Variants in SULF1 observed in about 807,000 individuals in gnomAD.
SULF1 encodes the protein sulfatase 1.
A neutral mutation model predicts 110.5 loss-of-function variants in SULF1; 46 were observed. That is an observed-to-expected ratio of 0.42 (90% CI 0.33 to 0.53). SULF1 has a LOEUF of 0.53. Among genes scored for constraint, SULF1 ranks in the 20% least tolerant of loss-of-function variants. SULF1 has a pLI of 0.12. For missense variants in SULF1, 941 were observed against 1,094.2 expected (o/e 0.86, Z 1.98); for synonymous variants, 371 against 387.1 (o/e 0.96, Z 0.49).
chr8:69,604,957 C>T, intron 13 of SULF1, 25 bp downstream of exon 13: 2 of 1,612,680 alleles, frequency 1.2e-6, no homozygotes, highest in Non-Finnish European at 1.7e-6. Context: ...CTTTCTTTAC[C>T]ACCACTCATG....
At chr8:69,595,471 T>C (rs1483369790) in intron 8 of SULF1, among the ~76,000 whole-genome samples, 4 of 152,256 alleles carry the variant, frequency 2.6e-5, no homozygotes. Flanking sequence ...GTTACCTATC[T>C]ACAGATATTT....
At chr8:69,628,750 A>G (rs1403061165) in intron 18 of SULF1, among the ~76,000 whole-genome samples, 1 of 152,254 alleles carries the variant, frequency 6.6e-6, no homozygotes, top group Non-Finnish European at 1.5e-5. Flanking sequence ...TCTAAAAAAT[A>G]AAGGCTATCT....
At chr8:69,560,357 A>G (rs1453524046) in intron 3 of SULF1, among the ~76,000 whole-genome samples, 7 of 143,824 alleles carry the variant, frequency 4.9e-5, no homozygotes, top group Non-Finnish European at 1.1e-4. Context: ...TTTTTCTTTT[A>G]CATGTGACTT....
intron 13 of SULF1, among the ~76,000 whole-genome samples, chr8:69,607,895 C>T (rs989928157): frequency 3.9e-5 from 6 of 152,152 alleles, no homozygotes; most frequent in South Asian, 2.1e-4. Context: ...GCCCTGCTTC[C>T]GTTCCTCTTA....
intron 3 of SULF1, among the ~76,000 whole-genome samples, chr8:69,556,186 A>G (rs1393646115): frequency 6.6e-6 from 1 of 152,144 alleles, no homozygotes; most frequent in African/African-American, 2.4e-5. Flanking sequence ...AGAAAGAGAA[A>G]GAAATGGGGT....
At position 69,604,807 on chromosome 8, in the gene SULF1, TTTC is replaced by T. The variant is rs764250746; in HGVS notation, c.1254_1256del (p.Phe418del). 4.3e-6 allele frequency: 7 copies of T among 1,613,624 alleles called. No individual in the cohort carries two copies. The highest frequency in any genetic ancestry group is 5.9e-6 in the Non-Finnish European group (7 of 1,179,934). On this transcript the variant is annotated inframe_deletion, in exon 13 of 23. Transcript: ENST00000402687. ...GCTTTTCCCTTTTTGTCGAAGCAAA[TTTC>T]TACGTAAGAAGGAAGAATCCAGCAA... is the stretch of plus-strand genomic sequence containing the variant.
intron 3 of SULF1, among the ~76,000 whole-genome samples, chr8:69,554,183 CA>C (rs1359646239): frequency 6.6e-6 from 1 of 152,094 alleles, no homozygotes; most frequent in Non-Finnish European, 1.5e-5. Context: ...AAGTTTAAAA[CA>C]AAGTAGAGTA....
At chr8:69,526,811 AAG>A (rs1563498309) in intron 3 of SULF1, among the ~76,000 whole-genome samples, 2 of 140,584 alleles carry the variant, frequency 1.4e-5, no homozygotes, top group Non-Finnish European at 3.1e-5. Context: ...GGAAGGAAGG[AAG>A]GAAGGAAGGA....
At chr8:69,557,860 C>G (rs1815217635) in intron 3 of SULF1, among the ~76,000 whole-genome samples, 1 of 152,098 alleles carries the variant, frequency 6.6e-6, no homozygotes, top group African/African-American at 2.4e-5. Context: ...CACAGGTGTT[C>G]CAGGTCATAG....
intron 3 of SULF1, among the ~76,000 whole-genome samples, chr8:69,535,658 T>C (rs1813385398): frequency 6.6e-6 from 1 of 152,060 alleles, no homozygotes; most frequent in Admixed American, 6.6e-5. Flanking sequence ...GGGTGCCAAC[T>C]AAGGAGAGCC....
intron 16 of SULF1, 130 bp downstream of exon 16, chr8:69,627,436 A>AG: frequency 1.5e-6 from 1 of 683,766 alleles, no homozygotes; most frequent in Non-Finnish European, 2.5e-6. Context: ...CAAAAAAAAA[A>AG]AGTTATTTGT....
At position 69,627,264 on chromosome 8, in the gene SULF1, G is replaced by A. The variant is rs992431241; in HGVS notation, c.1905G>A (p.Ser635=). The A allele has an allele frequency of 1.7e-5, 27 of 1,614,016 alleles. 2 individuals are homozygous for A. The highest frequency in any genetic ancestry group is 1.7e-4 in the Middle Eastern group (1 of 6,060). Residue 635 remains serine, a synonymous_variant, in exon 16 of 23, where the codon TCG becomes TCA. Transcript: ENST00000402687. ...SIHCERELYQ[S]ARAWKDHKAY... is the part of the protein sequence containing the mutation. ...ATTGTGAGAGAGAACTGTACCAATC[G>A]GCCAGAGCGTGGAAGGACCATAAGG...
chr8:69,511,499 C>T (rs779748943), intron 3 of SULF1, among the ~76,000 whole-genome samples: 88 of 152,322 alleles, frequency 5.8e-4, no homozygotes, highest in Admixed American at 1.2e-3. Context: ...GAGCTGCATG[C>T]TGAGCTTCAC....
intron 3 of SULF1, among the ~76,000 whole-genome samples, chr8:69,509,753 T>C (rs1051374274): frequency 6.6e-6 from 1 of 152,232 alleles, no homozygotes; most frequent in Non-Finnish European, 1.5e-5. Flanking sequence ...ATTTTCTTTT[T>C]GCCTTTTCTA....
intron 13 of SULF1, among the ~76,000 whole-genome samples, chr8:69,615,031 A>T (rs1211192908): frequency 3.3e-5 from 5 of 152,248 alleles, no homozygotes; most frequent in Non-Finnish European, 7.3e-5. Flanking sequence ...ATTTACTGAT[A>T]AACTTCAAGA....
At chr8:69,639,211 A>G (rs1045911889) in intron 21 of SULF1, among the ~76,000 whole-genome samples, 33 of 152,320 alleles carry the variant, frequency 2.2e-4, no homozygotes, top group African/African-American at 7.5e-4. Flanking sequence ...CTCTGAGTAA[A>G]CCAGGATATT....
rs1298442888 is a variant in SULF1, at chr8:69,621,243, G to A, written c.1586G>A (p.Gly529Glu). ...KSQRQFLRNQ[G>E]TPKYKPRFVH... ...CAACGGCAATTCTTGAGAAACCAGG[G>A]GACTCCAAGTAAGCCACGCTTTTGT... is the stretch of plus-strand genomic sequence containing the variant. Residue 529 changes from glycine to glutamate, a missense_variant, in exon 14 of 23, where the codon GGG (glycine) becomes GAG (glutamate). Coordinates refer to ENST00000402687, the MANE Select transcript of SULF1 (RefSeq NM_001128205.2). 1 of 1,612,046 alleles carries A rather than the reference G, an allele frequency of 6.2e-7. No homozygotes were observed. The highest frequency in any genetic ancestry group is 8.5e-7 in the Non-Finnish European group (1 of 1,178,776).
intron 3 of SULF1, among the ~76,000 whole-genome samples, chr8:69,526,418 T>C (rs1812663673): frequency 6.6e-6 from 1 of 152,100 alleles, no homozygotes; most frequent in South Asian, 2.1e-4. Flanking sequence ...ATTTTATTAG[T>C]CAATTTTTAA....
chr8:69,487,414 G>A (rs575069971), intron 1 of SULF1, among the ~76,000 whole-genome samples: 16 of 152,322 alleles, frequency 1.1e-4, no homozygotes, highest in African/African-American at 3.8e-4. Context: ...AATTAGTCAA[G>A]TGAGGAATCC....
Sources: gnomAD v4.1 joint callset for allele counts (sites outside exome capture counted in the v4.1 genomes callset) on GRCh38, gnomAD v4.1.1 for gene constraint, MANE v1.5 for transcripts, NCBI Gene and HGNC (gene_info 2026-07-23, HGNC 2026-07-21) for gene names.